PTPRT: variants seen among roughly 807,000 people sequenced by gnomAD.
The protein encoded by PTPRT is receptor-type tyrosine-protein phosphatase T.
Under a neutral mutation model 176.8 loss-of-function variants are expected in PTPRT, and 56 were observed. That is an observed-to-expected ratio of 0.32 (90% CI 0.26 to 0.40). PTPRT has a LOEUF of 0.40. PTPRT is among the 10% of genes least tolerant of loss of function. PTPRT has a pLI of 1.00. For synonymous variants in PTPRT, 783 were observed against 739.0 expected (o/e 1.06, Z -0.96); for missense variants, 1,540 against 1,908.2 (o/e 0.81, Z 3.60).
intron 6 of PTPRT, among the ~76,000 whole-genome samples, chr20:42,694,885 C>T (rs2075849727): frequency 1.3e-5 from 2 of 152,286 alleles, no homozygotes; most frequent in South Asian, 4.2e-4. Flanking sequence ...TCTACTGTGG[C>T]TACAGTCCTC....
At chr20:43,075,846 G>C (rs990411802) in intron 1 of PTPRT, among the ~76,000 whole-genome samples, 9 of 152,318 alleles carry the variant, frequency 5.9e-5, no homozygotes, top group Middle Eastern at 3.4e-3. Context: ...AATTTCTAAA[G>C]CTTTTGCATA....
intron 9 of PTPRT, among the ~76,000 whole-genome samples, chr20:42,445,419 G>C (rs1041801153): frequency 2.0e-5 from 3 of 152,082 alleles, no homozygotes; most frequent in Non-Finnish European, 4.4e-5. Context: ...TGTACTCAAG[G>C]TCACAGAGCA....
intron 1 of PTPRT, among the ~76,000 whole-genome samples, chr20:42,897,333 T>G (rs1455519762): frequency 2.6e-5 from 4 of 152,216 alleles, no homozygotes; most frequent in African/African-American, 7.2e-5. Flanking sequence ...TGAGACTTTG[T>G]GCAGCAACTC....
intron 1 of PTPRT, among the ~76,000 whole-genome samples, chr20:42,960,051 G>A (rs1030037260): frequency 1.3e-5 from 2 of 152,002 alleles, no homozygotes; most frequent in Non-Finnish European, 2.9e-5. Context: ...CGGAGTGTCT[G>A]GGTCCTTAGG....
intron 1 of PTPRT, among the ~76,000 whole-genome samples, chr20:43,046,543 C>CAAA (rs3092687): frequency 2.1e-5 from 3 of 140,610 alleles, no homozygotes; most frequent in African/African-American, 5.1e-5. Context: ...GTCTCTGTCT[C>CAAA]AAAAAAAAAA....
chr20:42,416,440 G>GCA (rs2059066690), intron 9 of PTPRT, among the ~76,000 whole-genome samples: 1 of 152,108 alleles, frequency 6.6e-6, no homozygotes, highest in Non-Finnish European at 1.5e-5. Flanking sequence ...AGCCGCCACA[G>GCA]GAAAAAACTG....
chr20:42,558,642 A>C (rs760250284), intron 7 of PTPRT, among the ~76,000 whole-genome samples: 2 of 152,118 alleles, frequency 1.3e-5, no homozygotes, highest in African/African-American at 4.8e-5. Context: ...CTCACACGGC[A>C]CAGAGGGGTA....
intron 1 of PTPRT, among the ~76,000 whole-genome samples, chr20:42,923,840 C>CTTT (rs776244592): frequency 7.8e-4 from 118 of 150,866 alleles, no homozygotes; most frequent in African/African-American, 2.9e-3. Context: ...ACATTTTTTT[C>CTTT]TTTTCTTTTT....
intron 13 of PTPRT, among the ~76,000 whole-genome samples, chr20:42,277,420 G>A (rs1490069971): frequency 1.3e-5 from 2 of 152,244 alleles, no homozygotes; most frequent in Admixed American, 1.3e-4. Flanking sequence ...TGGCGCTGGA[G>A]ACAAGATGGG....
rs1265416448 is a variant in PTPRT at position 42,124,517 on chromosome 20, CAG to C, written c.2847+4235_2847+4236del. ...AGTAACAGACCACGGCCTCCGGAGGCAGAGACAGGGCTGGCCCCATTCAGCTC... is the reference window on the plus strand; with the variant it reads ...AGTAACAGACCACGGCCTCCGGAGGCAGACAGGGCTGGCCCCATTCAGCTC... On this transcript the variant is annotated intron_variant, in intron 19 of 30. Transcript: ENST00000373187. Among the ~76,000 whole-genome samples the C allele has an allele frequency of 4.6e-5, 7 of 152,178 alleles. No homozygotes were observed. The East Asian group carries it at 1.4e-3, about 29-fold the overall frequency.
intron 1 of PTPRT, among the ~76,000 whole-genome samples, chr20:43,126,397 AT>A (rs1447718585): frequency 6.6e-6 from 1 of 152,110 alleles, no homozygotes; most frequent in Non-Finnish European, 1.5e-5. Context: ...AAAGAAAGTC[AT>A]TGAGAATTTG....
At chr20:42,590,338 A>G (rs536432295) in intron 7 of PTPRT, among the ~76,000 whole-genome samples, 1 of 152,192 alleles carries the variant, frequency 6.6e-6, no homozygotes, top group Non-Finnish European at 1.5e-5. Flanking sequence ...CAAAAAAATA[A>G]GACATAATGA....
intron 2 of PTPRT, among the ~76,000 whole-genome samples, chr20:42,841,165 T>C (rs1030227702): frequency 2.0e-5 from 3 of 152,178 alleles, no homozygotes; most frequent in Non-Finnish European, 2.9e-5. Context: ...GGTTTGGTAC[T>C]TGCCTCCTCT....
At position 42,780,199 on chromosome 20, in the gene PTPRT, G is replaced by C. The variant is rs757105384; in HGVS notation, c.568+19C>G. On this transcript the variant is annotated intron_variant, in intron 4 of 30. Coordinates refer to ENST00000373187, the MANE Select transcript of PTPRT (RefSeq NM_007050.6). ...CTGGCATGGATCAAGGCTGTGTTGG[G>C]AGGAAGGGAAAGACTTACTGCATGG... is the stretch of plus-strand genomic sequence containing the variant. 7 of 1,601,500 alleles carry C rather than the reference G, an allele frequency of 4.4e-6. No individual in the cohort carries two copies. The highest frequency in any genetic ancestry group is 6.0e-6 in the Non-Finnish European group (7 of 1,168,540).
chr20:42,531,688 A>G (rs1207987689), intron 7 of PTPRT, among the ~76,000 whole-genome samples: 2 of 152,214 alleles, frequency 1.3e-5, no homozygotes, highest in Non-Finnish European at 2.9e-5. Context: ...AACCAAGTAC[A>G]GGAGCAAGGA....
intron 2 of PTPRT, among the ~76,000 whole-genome samples, chr20:42,829,335 G>A (rs1414174108): frequency 6.6e-6 from 1 of 152,150 alleles, no homozygotes; most frequent in Non-Finnish European, 1.5e-5. Context: ...GATTTTACAG[G>A]CTCATAGGTG....
intron 1 of PTPRT, among the ~76,000 whole-genome samples, chr20:43,132,666 A>T (rs1269852776): frequency 1.3e-5 from 2 of 152,220 alleles, no homozygotes; most frequent in Non-Finnish European, 2.9e-5. Flanking sequence ...TCTCCTGTAA[A>T]GAGTAAAACA....
intron 6 of PTPRT, among the ~76,000 whole-genome samples, chr20:42,682,015 T>A (rs962751131): frequency 6.6e-6 from 1 of 152,214 alleles, no homozygotes. Context: ...AGAAGCATAG[T>A]GACCTGAGGG....
chr20:42,324,947 G>A (rs796512175), intron 11 of PTPRT, among the ~76,000 whole-genome samples: 2 of 152,134 alleles, frequency 1.3e-5, no homozygotes, highest in South Asian at 2.1e-4. Flanking sequence ...TGACTAGTTC[G>A]GCGACCTATT....
Sources: gnomAD v4.1 joint callset for allele counts (sites outside exome capture counted in the v4.1 genomes callset) on GRCh38, gnomAD v4.1.1 for gene constraint, MANE v1.5 for transcripts, NCBI Gene and HGNC (gene_info 2026-07-23, HGNC 2026-07-21) for gene names.